Variants in FRMD5 observed in about 807,000 individuals in gnomAD.
The protein encoded by FRMD5 is FERM domain containing 5, also known as FERM domain-containing protein 5.
In FRMD5, 20 loss-of-function variants were observed where a neutral mutation model predicts 69.0. The ratio of observed to expected loss-of-function variants is 0.29; its 90% CI spans 0.20 to 0.42. FRMD5 has a LOEUF of 0.42. FRMD5 is among the 10% of genes least tolerant of loss of function. The pLI, the probability that FRMD5 is intolerant of heterozygous loss-of-function variation, is 1.00. For synonymous variants in FRMD5, 271 were observed against 260.1 expected, an observed-to-expected ratio of 1.04 and a Z score of -0.40; for missense variants, 595 against 708.6, an observed-to-expected ratio of 0.84 and a Z score of 1.82.
chr15:43,905,722 T>C, intron 6 of FRMD5, 106 bp downstream of exon 6: 1 of 1,413,912 alleles, frequency 7.1e-7, no homozygotes. Context: ...GGAGCATCAC[T>C]CTGTGTCAGT....
intron 1 of FRMD5, among the ~76,000 whole-genome samples, chr15:43,940,740 C>T (rs1007062535): frequency 3.3e-5 from 5 of 152,092 alleles, no homozygotes; most frequent in East Asian, 1.9e-4. Context: ...ATTTAGGTGG[C>T]AGAATAAATA....
At chr15:44,007,637 ATTTTTTTTTTT>A (rs35512441) in intron 1 of FRMD5, among the ~76,000 whole-genome samples, 147 of 81,146 alleles carry the variant, frequency 1.8e-3, no homozygotes, top group African/African-American at 6.9e-3. Flanking sequence ...TAATTAACTA[ATTTTTTTTTTT>A]TTTTTTTTTT....
intron 10 of FRMD5, 106 bp downstream of exon 10, chr15:43,888,069 C>T: frequency 1.2e-6 from 1 of 816,610 alleles, no homozygotes; most frequent in Non-Finnish European, 2.0e-6. Flanking sequence ...CTCTTGCCCA[C>T]TTCCAGCTAC....
intron 1 of FRMD5, among the ~76,000 whole-genome samples, chr15:44,177,570 T>C (rs1281102515): frequency 2.0e-5 from 3 of 152,092 alleles, no homozygotes; most frequent in Admixed American, 6.6e-5. Flanking sequence ...GGAGTCAGAA[T>C]TGGGGAATAA....
intron 1 of FRMD5, among the ~76,000 whole-genome samples, chr15:44,090,784 G>A (rs553699398): frequency 6.6e-6 from 1 of 152,242 alleles, no homozygotes; most frequent in East Asian, 1.9e-4. Flanking sequence ...TTTAAATTAA[G>A]TCTTATAGTA....
chr15:44,023,960 A>G (rs555738278), intron 1 of FRMD5, among the ~76,000 whole-genome samples: 173 of 152,216 alleles, frequency 1.1e-3, no homozygotes, highest in African/African-American at 4.0e-3. Context: ...CCTGCCTTGC[A>G]AGGTTGTTGG....
chr15:44,055,560 C>T (rs912363143), intron 1 of FRMD5, among the ~76,000 whole-genome samples: 1 of 152,106 alleles, frequency 6.6e-6, no homozygotes, highest in African/African-American at 2.4e-5. Flanking sequence ...CATTTTAAAA[C>T]ATTGAAAATA....
At chr15:43,876,309 G>T in intron 13 of FRMD5, 1 of 1,126,036 alleles carries the variant, frequency 8.9e-7, no homozygotes, top group Non-Finnish European at 1.3e-6. Context: ...GAAAGAATCT[G>T]AATTCCAAAC....
intron 1 of FRMD5, among the ~76,000 whole-genome samples, chr15:44,120,712 T>C (rs1287877823): frequency 1.3e-5 from 2 of 150,582 alleles, no homozygotes; most frequent in African/African-American, 4.9e-5. Flanking sequence ...GTATTTTTAA[T>C]AGAGACGGGG....
At chr15:44,012,991 C>T (rs1386218349) in intron 1 of FRMD5, among the ~76,000 whole-genome samples, 3 of 152,194 alleles carry the variant, frequency 2.0e-5, no homozygotes, top group Non-Finnish European at 4.4e-5. Flanking sequence ...GTCTCGAACT[C>T]CTGACCTCAG....
At position 44,167,746 on chromosome 15, in the gene FRMD5, T is replaced by A. The variant is rs1370364332; in HGVS notation, c.102+27207A>T. 2.0e-5 allele frequency among the ~76,000 whole-genome samples: 3 copies of A among 152,156 alleles called. No individual in the cohort carries two copies. In the East Asian group the frequency reaches 5.8e-4, roughly 29 times the overall value. ...CTGGGATTACAGGCATGTGCCATGA[T>A]GCCCGGCTAATTTTTGTATTTTTTA... On this transcript the variant is annotated intron_variant, in intron 1 of 13. Coordinates refer to ENST00000417257, the MANE Select transcript of FRMD5 (RefSeq NM_032892.5).
chr15:43,872,832 A>C lies in FRMD5; in HGVS notation c.*1053T>G, dbSNP rs535081410. 8.7e-6 allele frequency: 2 copies of C among 230,170 alleles called. No homozygotes were observed. The highest frequency in any genetic ancestry group is 2.9e-4 in the South Asian group (2 of 7,006). 14.3% of individuals were successfully genotyped at this position (230,170 alleles called of 1,614,324 possible). Reference sequence around the variant, plus strand: ...TCAGGCTCTATTTTCTTAATCCATAAAGTAAAAACAAAATATGAATTGTTA... The same window carrying C: ...TCAGGCTCTATTTTCTTAATCCATACAGTAAAAACAAAATATGAATTGTTA... On this transcript the variant is annotated 3_prime_UTR_variant, in exon 14 of 14. Transcript: ENST00000417257.
chr15:43,908,289 C>G (rs1271889320), intron 5 of FRMD5, among the ~76,000 whole-genome samples: 1 of 148,624 alleles, frequency 6.7e-6, no homozygotes, highest in African/African-American at 2.5e-5. Flanking sequence ...GATCACACCA[C>G]TGCACTCTGG....
intron 1 of FRMD5, among the ~76,000 whole-genome samples, chr15:43,999,461 C>T (rs1228440429): frequency 6.6e-6 from 1 of 152,158 alleles, no homozygotes; most frequent in Non-Finnish European, 1.5e-5. Flanking sequence ...AATCAAAACT[C>T]TACACCCATT....
rs535130589 is a variant in FRMD5, at chr15:43,943,861, G to A, written c.103-19552C>T. Among the ~76,000 whole-genome samples, 4 of 152,354 alleles carry A rather than the reference G, an allele frequency of 2.6e-5. No homozygotes were observed. In the East Asian group the frequency reaches 7.7e-4, roughly 29 times the overall value. On this transcript the variant is annotated intron_variant, in intron 1 of 13. Transcript: ENST00000417257. ...TGTTGTTTCAAGCCAGTTTGTGATT[G>A]CTATGGCAGCCCTAGAAAATGAATA...
At chr15:44,096,936 C>T (rs2076562583) in intron 1 of FRMD5, among the ~76,000 whole-genome samples, 1 of 152,174 alleles carries the variant, frequency 6.6e-6, no homozygotes, top group African/African-American at 2.4e-5. Context: ...TGCCATATCT[C>T]ACCCTTATTG....
At chr15:43,971,900 G>A (rs1247518658) in intron 1 of FRMD5, among the ~76,000 whole-genome samples, 1 of 150,280 alleles carries the variant, frequency 6.7e-6, no homozygotes, top group Non-Finnish European at 1.5e-5. Flanking sequence ...TAGAGACAGG[G>A]TTTAAAACTT....
chr15:43,977,135 C>T (rs58541819), intron 1 of FRMD5, among the ~76,000 whole-genome samples: 6,512 of 151,932 alleles, frequency 0.043, 424 homozygotes, highest in African/African-American at 0.14. Flanking sequence ...TGCCCAGCCT[C>T]ATACTAAAGT....
chr15:44,048,846 A>T (rs1892540419), intron 1 of FRMD5, among the ~76,000 whole-genome samples: 1 of 152,208 alleles, frequency 6.6e-6, no homozygotes, highest in African/African-American at 2.4e-5. Flanking sequence ...TGCTGGAATT[A>T]TAGGCGTGAG....
Sources: gnomAD v4.1 joint callset for allele counts (sites outside exome capture counted in the v4.1 genomes callset) on GRCh38, gnomAD v4.1.1 for gene constraint, MANE v1.5 for transcripts, NCBI Gene and HGNC (gene_info 2026-07-23, HGNC 2026-07-21) for gene names.